HEATR5B: variants seen among roughly 807,000 people sequenced by gnomAD.
HEATR5B encodes the protein HEAT repeat containing 5B.
In HEATR5B, 156 loss-of-function variants were observed where a neutral mutation model predicts 224.1. The ratio of observed to expected loss-of-function variants is 0.70; its 90% confidence interval spans 0.61 to 0.80. The LOEUF is 0.80. HEATR5B is among the 30% of genes least tolerant of loss of function. The pLI is 0.00. For missense variants in HEATR5B, 2,323 were observed against 2,535.5 expected (o/e 0.92, Z 1.80); for synonymous variants, 1,027 against 893.0 (o/e 1.15, Z -2.68).
In HEATR5B at chr2:37,070,340, G is replaced by C. The variant is rs770568538; in HGVS notation, c.817C>G (p.Leu273Val). The change falls in exon 7 of 36, where the codon CTC becomes GTC. Residue 273 changes from leucine to valine, a missense_variant. Coordinates refer to ENST00000233099, the MANE Select transcript of HEATR5B (RefSeq NM_019024.3). ...CCACGCAGAAATCCTGTGGCCATGA[G>C]TTCTAAGACTTCATCAAATGTTGCT... ...KRATFDEVLELMATGFLRGGS... is the reference protein window; with the variant it reads ...KRATFDEVLEVMATGFLRGGS... 2.5e-5 allele frequency: 41 copies of C among 1,613,798 alleles called. No homozygotes were observed. In the East Asian group the frequency reaches 4.0e-4, roughly 16 times the overall value.
intron 18 of HEATR5B, among the ~76,000 whole-genome samples, chr2:37,047,035 C>CAAAAAAA (rs57343074): frequency 8.4e-4 from 38 of 45,390 alleles, no homozygotes; most frequent in African/African-American, 1.6e-3. Flanking sequence ...GACTCCACCT[C>CAAAAAAA]AAAAAAAAAA....
intron 35 of HEATR5B, among the ~76,000 whole-genome samples, chr2:36,988,294 C>T (rs1666082394): frequency 6.6e-6 from 1 of 151,376 alleles, no homozygotes; most frequent in Middle Eastern, 3.4e-3. Context: ...GATGGAGTCT[C>T]GCTCTGTTGC....
In HEATR5B at chr2:37,013,982, A is replaced by G. The variant is rs766039343; in HGVS notation, c.4143T>C (p.Asp1381=). Residue 1381 remains aspartate, a synonymous_variant, in exon 27 of 36, where the codon GAT becomes GAC. Coordinates refer to ENST00000233099, the MANE Select transcript of HEATR5B (RefSeq NM_019024.3). ...TGTGTACTCGACGGAGATCATTGAG[A>G]TCACTGACAACTCCACTTCCTATCC... ...STWIGSGVVS[D]LNDLRRVHNL... The G allele has an allele frequency of 1.4e-5, 23 of 1,608,052 alleles. No individual in the cohort carries two copies. The highest frequency in any genetic ancestry group is 1.5e-5 in the Non-Finnish European group (18 of 1,176,890).
At chr2:36,986,918 A>AT (rs1174333386) in intron 35 of HEATR5B, among the ~76,000 whole-genome samples, 7 of 152,074 alleles carry the variant, frequency 4.6e-5, no homozygotes, top group Middle Eastern at 3.4e-3. Context: ...CGTGCAGCTA[A>AT]TTTTTTGTAT....
intron 35 of HEATR5B, among the ~76,000 whole-genome samples, chr2:36,985,701 G>C (rs1448677273): frequency 6.9e-6 from 1 of 143,998 alleles, no homozygotes; most frequent in Non-Finnish European, 1.5e-5. Flanking sequence ...TCCTGAACTC[G>C]TGATCCATCC....
chr2:37,063,767 G>A (rs997018933), intron 10 of HEATR5B, among the ~76,000 whole-genome samples: 2 of 151,946 alleles, frequency 1.3e-5, no homozygotes, highest in Non-Finnish European at 2.9e-5. Flanking sequence ...CATGATAGTA[G>A]TATACAACAG....
At chr2:37,001,668 T>A (rs1238364403) in intron 32 of HEATR5B, among the ~76,000 whole-genome samples, 1 of 151,584 alleles carries the variant, frequency 6.6e-6, no homozygotes, top group African/African-American at 2.4e-5. Context: ...TTTTTCTTTT[T>A]CTTTCTTTTT....
intron 28 of HEATR5B, among the ~76,000 whole-genome samples, chr2:37,008,016 C>A (rs887595317): frequency 1.8e-4 from 27 of 152,070 alleles, no homozygotes; most frequent in African/African-American, 6.3e-4. Flanking sequence ...GTTTCCTCTA[C>A]TAACACTGAG....
intron 24 of HEATR5B, among the ~76,000 whole-genome samples, chr2:37,024,751 A>G (rs535114046): frequency 6.6e-6 from 1 of 152,274 alleles, no homozygotes; most frequent in South Asian, 2.1e-4. Flanking sequence ...GCACTCTATC[A>G]CCTAATTTAC....
intron 6 of HEATR5B, among the ~76,000 whole-genome samples, chr2:37,071,353 CCT>C (rs1671895090): frequency 6.6e-6 from 1 of 152,190 alleles, no homozygotes; most frequent in African/African-American, 2.4e-5. Context: ...CACAGGCACC[CCT>C]GAGATATCTC....
chr2:37,058,129 C>T (rs980994672), intron 14 of HEATR5B, among the ~76,000 whole-genome samples: 1 of 152,094 alleles, frequency 6.6e-6, no homozygotes, highest in South Asian at 2.1e-4. Context: ...GATTTGAATC[C>T]AAGCTCTGCC....
At position 37,068,892 on chromosome 2, in the gene HEATR5B, C is replaced by A; in HGVS notation, c.966G>T (p.Trp322Cys). 1 of 1,614,102 alleles carries A rather than the reference C, an allele frequency of 6.2e-7. No homozygotes were observed. The highest frequency in any genetic ancestry group is 1.1e-5 in the South Asian group (1 of 91,082). ...GGAACGTGGCAAAGCTGCGCTCCAACCACTGACCACCCAATGTTGTCACAA... is the reference window on the plus strand; with the variant it reads ...GGAACGTGGCAAAGCTGCGCTCCAAACACTGACCACCCAATGTTGTCACAA... ...VVFVTTLGGQ[W>C]LERSFATFLS... Residue 322 changes from tryptophan to cysteine, a missense_variant, in exon 8 of 36, where the codon TGG (tryptophan) becomes TGT (cysteine). Around this residue, in one of 12 missense-constraint regions of HEATR5B, gnomAD observed 502 missense variants for 517.8 expected, o/e 0.97. Transcript: ENST00000233099.
chr2:37,020,539 A>G (rs1668399636), intron 25 of HEATR5B, 116 bp downstream of exon 25: 1 of 637,654 alleles, frequency 1.6e-6, no homozygotes. Flanking sequence ...AAAGAGATGC[A>G]TTCTACAGAA....
Position 37,032,651 on chromosome 2 carries a change from C to T in HEATR5B, c.3339G>A (p.Gly1113=), listed in dbSNP as rs758736294. The T allele has an allele frequency of 2.5e-6, 4 of 1,613,514 alleles. No homozygotes were observed. Among genetic ancestry groups the T allele is most frequent in the Non-Finnish European group, 3.4e-6 (4 of 1,179,826 alleles). ...TACTGGCACTACTGCTCTCTTTGTCCCCTGTATTTTTTGCCAGGCTCATGG... is the reference window on the plus strand; with the variant it reads ...TACTGGCACTACTGCTCTCTTTGTCTCCTGTATTTTTTGCCAGGCTCATGG... The part of the protein sequence containing the change: ...EYAMSLAKNT[G]DKESSSANVS... The change falls in exon 22 of 36, where the codon GGG becomes GGA. Residue 1113 remains glycine, a synonymous_variant. Transcript: ENST00000233099.
Position 37,028,504 on chromosome 2 carries a change from AT to A in HEATR5B, c.3601+176del, listed in dbSNP as rs1199414885. 3.9e-5 allele frequency among the ~76,000 whole-genome samples: 6 copies of A among 152,308 alleles called. No individual in the cohort carries two copies. In the East Asian group the frequency reaches 1.2e-3, roughly 29 times the overall value. On this transcript the variant is annotated intron_variant, in intron 23 of 35. Coordinates refer to ENST00000233099, the MANE Select transcript of HEATR5B (RefSeq NM_019024.3). ...TTTTCCCAACAATATAAAAAAGCTC[AT>A]TTGTTTATAACATAATTTAACTTTC...
chr2:37,028,350 ATAAAT>A (rs1668911731), intron 23 of HEATR5B, among the ~76,000 whole-genome samples, 176 bp from the exon 24 acceptor site: 1 of 152,166 alleles, frequency 6.6e-6, no homozygotes, highest in African/African-American at 2.4e-5. Flanking sequence ...AAAAGATAAC[ATAAAT>A]TACTTTTATG....
In HEATR5B at chr2:37,000,904, G is replaced by C. The variant is rs1667050056; in HGVS notation, c.5318-91C>G. 13 of 817,600 alleles carry C rather than the reference G, an allele frequency of 1.6e-5. No homozygotes were observed. The South Asian group carries it at 2.3e-4, about 15-fold the overall frequency. The allele number at this position is 817,600 out of a possible 1,614,324, so 50.6% of individuals were successfully genotyped here. ...GCTTGTATTTTTTGCATTTGATTGTGGTTTAATATTGTTTTTTTCCTTGTC... is the reference window on the plus strand; with the variant it reads ...GCTTGTATTTTTTGCATTTGATTGTCGTTTAATATTGTTTTTTTCCTTGTC... On this transcript the variant is annotated intron_variant, in intron 32 of 35. Transcript: ENST00000233099.
intron 22 of HEATR5B, among the ~76,000 whole-genome samples, chr2:37,031,914 ACCC>A (rs1669158345): frequency 1.8e-5 from 2 of 110,928 alleles, no homozygotes; most frequent in East Asian, 7.8e-4. Context: ...TATACCTAAA[ACCC>A]TCCAAAAAGG....
chr2:37,040,414 T>C lies in HEATR5B; in HGVS notation c.2961A>G (p.Thr987=). 6.2e-7 allele frequency: 1 copy of C among 1,614,060 alleles called. No individual in the cohort carries two copies. Among genetic ancestry groups the C allele is most frequent in the Non-Finnish European group, 8.5e-7 (1 of 1,179,964 alleles). ...TLSLVLTLLL[T]VPPSHTEVHQ... ...GAACTTCTGTATGTGAAGGCGGAACTGTCAACAGCAAGGTAAGAACTAGAG... is the reference window on the plus strand; with the variant it reads ...GAACTTCTGTATGTGAAGGCGGAACCGTCAACAGCAAGGTAAGAACTAGAG... Residue 987 remains threonine, a synonymous_variant, in exon 20 of 36, where the codon ACA becomes ACG. Coordinates refer to ENST00000233099, the MANE Select transcript of HEATR5B (RefSeq NM_019024.3).
Sources: allele counts gnomAD v4.1 joint callset (sites outside exome capture counted in the v4.1 genomes callset), GRCh38; gene constraint gnomAD v4.1.1; regional missense constraint gnomAD v4.1.1; transcripts MANE v1.5; gene names NCBI Gene and HGNC (gene_info 2026-07-23, HGNC 2026-07-21).